The following SLC45A4 variants were observed in gnomAD, a reference collection of about 807,000 sequenced individuals.
SLC45A4 encodes solute carrier family 45 member 4.
Under a neutral mutation model 63.7 loss-of-function variants are expected in SLC45A4, and 32 were observed. That is an observed-to-expected ratio of 0.50 (90% CI 0.38 to 0.67). SLC45A4 has a LOEUF of 0.67. SLC45A4 is among the 30% of genes least tolerant of loss of function. The probability of loss-of-function intolerance (pLI) is 0.00; values close to 1 mark genes in which losing one functional copy is unlikely to be tolerated. For missense variants in SLC45A4, 1,027 were observed against 1,157.7 expected (o/e 0.89, Z 1.64); for synonymous variants, 535 against 510.0 (o/e 1.05, Z -0.66).
intron 1 of SLC45A4, among the ~76,000 whole-genome samples, chr8:141,267,956 C>A (rs1299048091): frequency 6.6e-6 from 1 of 152,232 alleles, no homozygotes; most frequent in East Asian, 1.9e-4. Flanking sequence ...CAACCAAGTT[C>A]CTTGGTATTT....
chr8:141,297,333 C>A (rs1033012323), intron 1 of SLC45A4, among the ~76,000 whole-genome samples: 3 of 152,114 alleles, frequency 2.0e-5, no homozygotes, highest in African/African-American at 7.2e-5. Flanking sequence ...GGAGGTAGGC[C>A]TGGGGTCCAC....
chr8:141,211,847 A>T (rs1825835863), intron 8 of SLC45A4, 150 bp from the exon 9 acceptor site: 2 of 1,302,394 alleles, frequency 1.5e-6, no homozygotes, highest in East Asian at 5.8e-5. Context: ...TAAGTTGCTT[A>T]TTGTCTATAT....
In SLC45A4 at chr8:141,255,743, A is replaced by AAAC. The variant is rs1474097208; in HGVS notation, c.-400-1115_-400-1114insGTT. Reference sequence around the variant, plus strand: ...AAAACAAAAACAAAAACAAACAAACAAAAAAAACAAAAAGAAAAGAAAAAT... The same window carrying AAAC: ...AAAACAAAAACAAAAACAAACAAACAAACAAAAAAACAAAAAGAAAAGAAAAAT... On this transcript the variant is annotated intron_variant, in intron 1 of 8. Transcript: ENST00000517878. 2.0e-4 allele frequency among the ~76,000 whole-genome samples: 3 copies of AAAC among 14,940 alleles called. No homozygotes were observed. The East Asian group carries it at 0.035, about 174-fold the overall frequency. The allele number at this position is 14,940 out of a possible 152,430, so 9.8% of individuals were successfully genotyped here. A position where few individuals can be genotyped will look rare whatever the true frequency, so the allele number is the denominator to read the frequency against.
chr8:141,272,060 G>A (rs769135529), intron 1 of SLC45A4, among the ~76,000 whole-genome samples: 8 of 152,192 alleles, frequency 5.3e-5, no homozygotes, highest in African/African-American at 1.4e-4. Flanking sequence ...ACACACCTGC[G>A]CACACACATC....
At chr8:141,223,340 G>C (rs1189525539) in intron 2 of SLC45A4, among the ~76,000 whole-genome samples, 1 of 152,194 alleles carries the variant, frequency 6.6e-6, no homozygotes, top group Non-Finnish European at 1.5e-5. Flanking sequence ...GCAGACCCGG[G>C]TTCCTCAGCT....
intron 2 of SLC45A4, among the ~76,000 whole-genome samples, chr8:141,250,949 G>C (rs1046684125): frequency 1.3e-5 from 2 of 152,138 alleles, no homozygotes; most frequent in Admixed American, 1.3e-4. Flanking sequence ...AAAATTCCAA[G>C]GTGTTGTGGA....
rs78049128 is a variant in SLC45A4, at chr8:141,294,583, G to A, written c.-401+13513C>T. Among the ~76,000 whole-genome samples the A allele has an allele frequency of 5.7e-3, 867 of 152,340 alleles. 11 individuals carry two copies. Among genetic ancestry groups the A allele is most frequent in the East Asian group, 0.045 (234 of 5,184 alleles). Reference sequence around the variant, plus strand: ...GCGGTCCCCTCACAGCCAGTTCCCTGTGAGCAGTGGAACTGCACCAGCACT... The same window carrying A: ...GCGGTCCCCTCACAGCCAGTTCCCTATGAGCAGTGGAACTGCACCAGCACT... On this transcript the variant is annotated intron_variant, in intron 1 of 8. Coordinates refer to ENST00000517878, the MANE Select transcript of SLC45A4 (RefSeq NM_001286646.2).
intron 1 of SLC45A4, among the ~76,000 whole-genome samples, chr8:141,286,241 C>T (rs1268998346): frequency 6.6e-6 from 1 of 152,186 alleles, no homozygotes; most frequent in Non-Finnish European, 1.5e-5. Context: ...GCTTGTGACA[C>T]CCCTTCCTTC....
intron 1 of SLC45A4, among the ~76,000 whole-genome samples, chr8:141,275,744 T>C (rs1381759275): frequency 1.3e-5 from 2 of 152,204 alleles, no homozygotes; most frequent in East Asian, 1.9e-4. Context: ...AAAATCATGA[T>C]GAATGACAAT....
intron 2 of SLC45A4, chr8:141,225,234 A>C (rs1569558165): frequency 6.6e-6 from 1 of 152,166 alleles, no homozygotes; most frequent in Non-Finnish European, 1.5e-5. Context: ...ACTGTGAATG[A>C]TGTGTCATAG....
At chr8:141,289,056 A>G (rs905719617) in intron 1 of SLC45A4, among the ~76,000 whole-genome samples, 21 of 152,198 alleles carry the variant, frequency 1.4e-4, no homozygotes, top group African/African-American at 4.8e-4. Flanking sequence ...GTCCCAGAGG[A>G]ATAAGCAGGG....
At chr8:141,292,620 T>C (rs1036839671) in intron 1 of SLC45A4, 7 of 152,442 alleles carry the variant, frequency 4.6e-5, no homozygotes, top group Admixed American at 2.6e-4. Context: ...TCACCCCTCC[T>C]TGCTGGTGTC....
rs1828776500 is a variant in SLC45A4, at chr8:141,256,418, G to A, written c.-400-1789C>T. 2 of 375,586 alleles carry A rather than the reference G, an allele frequency of 5.3e-6. No homozygotes were observed. Among genetic ancestry groups the A allele is most frequent in the South Asian group, 1.9e-5 (1 of 53,798 alleles). 23.3% of individuals were successfully genotyped at this position (375,586 alleles called of 1,614,324 possible). ...ACCGAACCAAAGGTGGTCTTAATTA[G>A]CTCCTCCTCTCTTTCTCCCCAGAGG... On this transcript the variant is annotated intron_variant, in intron 1 of 8. Transcript: ENST00000517878. This position sits in a 1 kb window ranked among gnomAD's most constrained non-coding sequence, Gnocchi z 4.3.
chr8:141,211,654 A>G lies in SLC45A4; in HGVS notation c.2345T>C (p.Leu782Pro). The change falls in exon 9 of 9, where the codon CTG becomes CCG. Residue 782 changes from leucine (L) to proline (P), a missense_variant. Transcript: ENST00000517878. Reference sequence around the variant, plus strand: ...AATACTCTCCAACAGCTGCGGCACCAGCCAATGTGACGAGATCTGACAGAC... The same window carrying G: ...AATACTCTCCAACAGCTGCGGCACCGGCCAATGTGACGAGATCTGACAGAC... ...IDVCQISSHW[L>P]VPQLLESIFL... The G allele has an allele frequency of 6.2e-7, 1 of 1,608,902 alleles. No individual in the cohort carries two copies. Among genetic ancestry groups the G allele is most frequent in the Non-Finnish European group, 8.5e-7 (1 of 1,177,622 alleles).
Position 141,254,121 on chromosome 8 carries a change from C to T in SLC45A4, c.109G>A (p.Glu37Lys), listed in dbSNP as rs1302662027. 6 of 1,536,194 alleles carry T rather than the reference C, an allele frequency of 3.9e-6. No homozygotes were observed. Among genetic ancestry groups the T allele is most frequent in the Non-Finnish European group, 5.2e-6 (6 of 1,146,926 alleles). The change falls in exon 2 of 9, where the codon GAG becomes AAG. Residue 37 changes from glutamate (E) to lysine (K), a missense_variant. Physicochemically the swap from Glu to Lys is moderately conservative, Grantham distance 56 (BLOSUM62 1). Transcript: ENST00000517878. The surrounding 1 kb of genome is among the most constrained non-coding windows in gnomAD (Gnocchi z 4.5). ...KAGGAEAENCETISEGSIDRI... is the reference protein window; with the variant it reads ...KAGGAEAENCKTISEGSIDRI... The stretch of plus-strand genomic sequence containing the variant: ...TCTATGGACCCCTCGCTGATGGTCT[C>T]GCAGTTCTCGGCCTCTGCGCCTCCG...
At chr8:141,236,478 A>T (rs566027677) in intron 2 of SLC45A4, among the ~76,000 whole-genome samples, 1 of 152,366 alleles carries the variant, frequency 6.6e-6, no homozygotes, top group South Asian at 2.1e-4. Flanking sequence ...CTGCACATCC[A>T]AGTCCATGCT....
At chr8:141,306,172 C>G (rs549635345) in intron 1 of SLC45A4, among the ~76,000 whole-genome samples, 4 of 152,230 alleles carry the variant, frequency 2.6e-5, no homozygotes, top group African/African-American at 7.2e-5. Context: ...CCACTCCCCC[C>G]ACGAGGCCCG....
intron 1 of SLC45A4, among the ~76,000 whole-genome samples, chr8:141,284,979 C>T (rs1032786267): frequency 5.5e-5 from 8 of 144,996 alleles, no homozygotes; most frequent in African/African-American, 1.5e-4. Flanking sequence ...GGGGCCTCGG[C>T]CCCCCAGCAA....
At chr8:141,292,527 C>T (rs1444311170) in intron 1 of SLC45A4, among the ~76,000 whole-genome samples, 1 of 152,256 alleles carries the variant, frequency 6.6e-6, no homozygotes, top group Non-Finnish European at 1.5e-5. Context: ...CCCGCTCCTG[C>T]ACCCCTGCTC....
Sources: allele counts gnomAD v4.1 joint callset (sites outside exome capture counted in the v4.1 genomes callset), GRCh38; gene constraint gnomAD v4.1.1; non-coding constraint Gnocchi (gnomAD v3.1); transcripts MANE v1.5; gene names NCBI Gene and HGNC (gene_info 2026-07-23, HGNC 2026-07-21).